The following RGS6 variants were observed in gnomAD, a reference collection of about 807,000 sequenced individuals.
The protein encoded by RGS6 is regulator of G protein signaling 6.
In RGS6, 30 loss-of-function variants were observed where a neutral mutation model predicts 78.5. The observed-to-expected ratio is 0.38, with a 90% CI of 0.29 to 0.52. The LOEUF is 0.52. Among genes scored for constraint, RGS6 ranks in the 20% least tolerant of loss-of-function variants. RGS6 has a pLI of 0.85. For synonymous variants in RGS6, 206 were observed against 206.0 expected, an observed-to-expected ratio of 1.00 and a Z score of 0.00; for missense variants, 495 against 609.7, an observed-to-expected ratio of 0.81 and a Z score of 1.98.
chr14:71,987,275 G>T (rs1223282099), intron 2 of RGS6, among the ~76,000 whole-genome samples: 2 of 152,254 alleles, frequency 1.3e-5, no homozygotes, highest in African/African-American at 2.4e-5. Flanking sequence ...ATGTCTGTTT[G>T]TATTGGCTGA....
At chr14:72,079,170 C>CT (rs56875273) in intron 2 of RGS6, among the ~76,000 whole-genome samples, 29 of 148,784 alleles carry the variant, frequency 1.9e-4, no homozygotes, top group East Asian at 1.4e-3. Flanking sequence ...GCCTTTGTGC[C>CT]TTTTTTTTTT....
At chr14:72,421,362 A>T (rs1479977115) in intron 3 of RGS6, among the ~76,000 whole-genome samples, 4 of 152,052 alleles carry the variant, frequency 2.6e-5, no homozygotes, top group African/African-American at 9.7e-5. Context: ...CATCAAAACT[A>T]TGAGAAATGT....
At chr14:72,499,114 G>A (rs1026754531) in intron 13 of RGS6, among the ~76,000 whole-genome samples, 3 of 152,006 alleles carry the variant, frequency 2.0e-5, no homozygotes, top group Non-Finnish European at 2.9e-5. Flanking sequence ...CTATTTCCTC[G>A]CCAAGGTACT....
At chr14:72,266,001 G>A (rs1045063882) in intron 2 of RGS6, among the ~76,000 whole-genome samples, 8 of 151,930 alleles carry the variant, frequency 5.3e-5, no homozygotes, top group South Asian at 4.2e-4. Context: ...TTCTGTTTAT[G>A]TATGCTCTAT....
chr14:72,350,825 T>C (rs76280272), intron 2 of RGS6, among the ~76,000 whole-genome samples: 2 of 152,312 alleles, frequency 1.3e-5, no homozygotes, highest in African/African-American at 4.8e-5. Context: ...GAGATAATAG[T>C]AGAATCTATT....
At chr14:72,402,912 T>A (rs1425528930) in intron 3 of RGS6, among the ~76,000 whole-genome samples, 1 of 145,522 alleles carries the variant, frequency 6.9e-6, no homozygotes. Context: ...TTCTCCTGCC[T>A]CAACCTCCCC....
intron 12 of RGS6, among the ~76,000 whole-genome samples, chr14:72,481,360 G>A (rs1400383281): frequency 6.6e-6 from 1 of 152,168 alleles, no homozygotes; most frequent in African/African-American, 2.4e-5. Flanking sequence ...GTGCTTAAAG[G>A]AGCAAACAAA....
intron 2 of RGS6, among the ~76,000 whole-genome samples, chr14:72,239,247 C>A (rs1433756117): frequency 3.3e-5 from 5 of 152,124 alleles, no homozygotes; most frequent in Non-Finnish European, 7.4e-5. Context: ...GGGAATTGTG[C>A]ACACACAGTG....
chr14:72,463,224 A>T (rs1283561553), intron 6 of RGS6, among the ~76,000 whole-genome samples: 1 of 152,254 alleles, frequency 6.6e-6, no homozygotes, highest in Non-Finnish European at 1.5e-5. Flanking sequence ...GTAAGAAATT[A>T]AATATCCAAG....
At chr14:72,490,620 T>C (rs1288644995) in intron 12 of RGS6, among the ~76,000 whole-genome samples, 7 of 152,214 alleles carry the variant, frequency 4.6e-5, no homozygotes, top group Non-Finnish European at 8.8e-5. Flanking sequence ...AAGCCTGTTA[T>C]ATAACATGAT....
chr14:72,522,638 G>A (rs1204772429), intron 15 of RGS6, among the ~76,000 whole-genome samples: 1 of 152,160 alleles, frequency 6.6e-6, no homozygotes, highest in Non-Finnish European at 1.5e-5. Context: ...TTTATGAACA[G>A]TGAAATCCAA....
At chr14:72,126,813 G>C (rs1039116961) in intron 2 of RGS6, among the ~76,000 whole-genome samples, 1 of 152,154 alleles carries the variant, frequency 6.6e-6, no homozygotes, top group Admixed American at 6.5e-5. Context: ...CGCAGCTTTT[G>C]TTGGCTTGCT....
intron 15 of RGS6, among the ~76,000 whole-genome samples, chr14:72,528,410 C>T (rs934065815): frequency 3.3e-5 from 5 of 152,186 alleles, no homozygotes; most frequent in African/African-American, 7.2e-5. Flanking sequence ...CAGCCATCAA[C>T]CACTCCAGGG....
intron 3 of RGS6, among the ~76,000 whole-genome samples, chr14:72,432,331 C>A (rs2094684053): frequency 6.6e-6 from 1 of 152,160 alleles, no homozygotes; most frequent in African/African-American, 2.4e-5. Flanking sequence ...GTTCTGGCAG[C>A]TAACAATTCT....
chr14:71,985,086 G>A lies in RGS6; in HGVS notation c.84+20211G>A, dbSNP rs141241603. Among the ~76,000 whole-genome samples, 329 of 152,220 alleles carry A rather than the reference G, an allele frequency of 2.2e-3. 2 individuals are homozygous for A. Among genetic ancestry groups the A allele is most frequent in the African/African-American group, 7.6e-3 (314 of 41,542 alleles). ...TCTACCATAACCTAAGCACTAATCT[G>A]TGCCATAATATGTCATCATTATCAT... On this transcript the variant is annotated intron_variant, in intron 2 of 17. Coordinates refer to ENST00000553525, the MANE Select transcript of RGS6 (RefSeq NM_001204424.2).
chr14:71,969,054 TG>T (rs772568991), intron 2 of RGS6, among the ~76,000 whole-genome samples: 1 of 152,180 alleles, frequency 6.6e-6, no homozygotes, highest in Non-Finnish European at 1.5e-5. Context: ...AATTCCCACC[TG>T]TGAGTGAGAA....
At chr14:72,437,085 C>T (rs923054256) in intron 3 of RGS6, among the ~76,000 whole-genome samples, 1 of 150,048 alleles carries the variant, frequency 6.7e-6, no homozygotes, top group Non-Finnish European at 1.5e-5. Context: ...CTTTGGGAGG[C>T]CAAGGTGGGG....
At chr14:72,429,312 G>T (rs190535493) in intron 3 of RGS6, among the ~76,000 whole-genome samples, 1 of 152,314 alleles carries the variant, frequency 6.6e-6, no homozygotes, top group Admixed American at 6.5e-5. Context: ...TTTAAATTAG[G>T]CATTCTTAAC....
intron 16 of RGS6, 142 bp downstream of exon 16, chr14:72,536,417 T>G: frequency 1.5e-6 from 1 of 657,988 alleles, no homozygotes; most frequent in Non-Finnish European, 2.7e-6. Flanking sequence ...GCTCCCATTC[T>G]AATGGAAAAC....
Sources: gnomAD v4.1 joint callset for allele counts (sites outside exome capture counted in the v4.1 genomes callset) on GRCh38, gnomAD v4.1.1 for gene constraint, MANE v1.5 for transcripts, NCBI Gene and HGNC (gene_info 2026-07-23, HGNC 2026-07-21) for gene names.